CALN1: variants seen among roughly 807,000 people sequenced by gnomAD.
CALN1 encodes the protein calneuron 1, also known as calcium-binding protein 8.
Under a neutral mutation model 30.6 loss-of-function variants are expected in CALN1, and 17 were observed. That is an observed-to-expected ratio of 0.56 (90% confidence interval 0.38 to 0.83). The LOEUF is 0.83. Among genes scored for constraint, CALN1 ranks in the 40% least tolerant of loss-of-function variants. The pLI, the probability that CALN1 is intolerant of heterozygous loss-of-function variation, is 0.00. For missense variants in CALN1, 291 were observed against 354.9 expected, an observed-to-expected ratio of 0.82 and a Z score of 1.45; for synonymous variants, 156 against 131.4, an observed-to-expected ratio of 1.19 and a Z score of -1.28.
At chr7:71,868,325 C>T (rs1451271226) in intron 5 of CALN1, among the ~76,000 whole-genome samples, 1 of 151,270 alleles carries the variant, frequency 6.6e-6, no homozygotes, top group Non-Finnish European at 1.5e-5. Context: ...GCAAGCGAGA[C>T]GTCTCACATG....
intron 4 of CALN1, among the ~76,000 whole-genome samples, chr7:72,025,792 A>G (rs1801016789): frequency 6.6e-6 from 1 of 152,312 alleles, no homozygotes; most frequent in South Asian, 2.1e-4. Context: ...ATGCCCTCTC[A>G]GAGTGCATTC....
intron 5 of CALN1, 37 bp from the exon 6 acceptor site, chr7:71,810,529 T>C (rs370213968): frequency 4.4e-6 from 7 of 1,597,546 alleles, no homozygotes; most frequent in Non-Finnish European, 5.1e-6. Flanking sequence ...GTCAGAAGCA[T>C]GTGGAGATGG....
chr7:72,249,959 A>AAAG (rs1554337554), intron 3 of CALN1, among the ~76,000 whole-genome samples: 115 of 147,708 alleles, frequency 7.8e-4, no homozygotes, highest in African/African-American at 2.4e-3. Flanking sequence ...AAAAAAAAAA[A>AAAG]AGAGAGAGAG....
chr7:72,155,491 CAAAAA>C (rs796507891), intron 3 of CALN1, among the ~76,000 whole-genome samples: 1 of 104,014 alleles, frequency 9.6e-6, no homozygotes, highest in African/African-American at 3.3e-5. Flanking sequence ...GACTCTGTCT[CAAAAA>C]AAAAAAAAAG....
At chr7:72,329,138 T>C (rs1801486931) in intron 2 of CALN1, among the ~76,000 whole-genome samples, 1 of 152,400 alleles carries the variant, frequency 6.6e-6, no homozygotes, top group East Asian at 1.9e-4. Flanking sequence ...TGTTCTTCTG[T>C]ACCACGTTTT....
rs758703348 is a variant in CALN1 at position 72,023,735 on chromosome 7, G to A, written c.423C>T (p.Thr141=). ...DGQVDFDEFM[T]ILGPKLVSSE... ...AAGACACCAGTTTGGGGCCAAGAAT[G>A]GTCATGAATTCATCAAAATCCACCT... The change falls in exon 5 of 7, where the codon ACC becomes ACT. Residue 141 remains threonine (T), a synonymous_variant. Transcript: ENST00000395275. 2 of 1,613,788 alleles carry A rather than the reference G, an allele frequency of 1.2e-6. No homozygotes were observed. Among genetic ancestry groups the A allele is most frequent in the African/African-American group, 1.3e-5 (1 of 74,888 alleles).
At chr7:72,437,504 G>T (rs1438335189) in intron 1 of CALN1, among the ~76,000 whole-genome samples, 1 of 147,690 alleles carries the variant, frequency 6.8e-6, no homozygotes, top group African/African-American at 2.5e-5. Context: ...GTTAAAGAAG[G>T]TGAGAAACCC....
intron 5 of CALN1, among the ~76,000 whole-genome samples, chr7:72,013,888 G>A (rs768819920): frequency 1.3e-5 from 2 of 151,926 alleles, no homozygotes; most frequent in Non-Finnish European, 2.9e-5. Flanking sequence ...TTATATGGTA[G>A]ATTACTAAAT....
rs575299020 is a variant in CALN1 at position 72,036,671 on chromosome 7, T to C, written c.389-12902A>G. ...TTTTGGCTTTAGAATTTCTCTTATG[T>C]TTCATTTTAGGTTTTCTATCTCTTT... On this transcript the variant is annotated intron_variant, in intron 4 of 6. Transcript: ENST00000395275. Among the ~76,000 whole-genome samples the C allele has an allele frequency of 2.6e-5, 4 of 152,330 alleles. No individual in the cohort carries two copies. The East Asian group carries it at 7.7e-4, about 29-fold the overall frequency.
intron 3 of CALN1, among the ~76,000 whole-genome samples, chr7:72,211,963 C>T (rs371843099): frequency 1.4e-4 from 21 of 152,212 alleles, no homozygotes; most frequent in African/African-American, 4.1e-4. Context: ...GACTTAAGAC[C>T]CGACTCGTAA....
rs891952721 is a variant in CALN1, at chr7:72,390,217, T to TCA, written c.119+13032_119+13033dup. ...AGGCCGAGGCGGGTGAATCATGAGG[T>TCA]CAGGAGTCCCAGACCAGCCTGGCCA... On this transcript the variant is annotated intron_variant, in intron 2 of 6. Transcript: ENST00000395275. 9.2e-5 allele frequency among the ~76,000 whole-genome samples: 14 copies of TCA among 151,718 alleles called. 1 individual carries two copies. The highest frequency in any genetic ancestry group is 3.4e-4 in the African/African-American group (14 of 41,214).
chr7:71,958,073 A>G (rs1468187369), intron 5 of CALN1, among the ~76,000 whole-genome samples: 2 of 151,194 alleles, frequency 1.3e-5, no homozygotes, highest in Admixed American at 6.6e-5. Context: ...CTCAAAAAAA[A>G]AAAAAAAAAA....
chr7:72,504,005 G>T, the CALN1 span, among the ~76,000 whole-genome samples: 1 of 152,136 alleles, frequency 6.6e-6, no homozygotes, highest in Non-Finnish European at 1.5e-5. Flanking sequence ...GAGTGTGGGT[G>T]GGAGGAAGGG....
At chr7:72,381,049 A>T (rs777492770) in intron 2 of CALN1, among the ~76,000 whole-genome samples, 1 of 152,216 alleles carries the variant, frequency 6.6e-6, no homozygotes, top group Non-Finnish European at 1.5e-5. Flanking sequence ...GGCAATAAAG[A>T]CTAGATGTTT....
chr7:72,290,225 G>A (rs1417544892), intron 2 of CALN1, among the ~76,000 whole-genome samples: 1 of 151,166 alleles, frequency 6.6e-6, no homozygotes, highest in East Asian at 1.9e-4. Context: ...CATGTCACTG[G>A]CTGTTTCCTT....
chr7:72,365,351 T>C (rs1803818096), intron 2 of CALN1, among the ~76,000 whole-genome samples: 1 of 152,046 alleles, frequency 6.6e-6, no homozygotes, highest in South Asian at 2.1e-4. Context: ...AAAAAAATAA[T>C]AATTATATCT....
chr7:72,116,214 C>T (rs1348775181), intron 3 of CALN1, among the ~76,000 whole-genome samples: 1 of 152,170 alleles, frequency 6.6e-6, no homozygotes, highest in Non-Finnish European at 1.5e-5. Context: ...ATGGCAGAGG[C>T]ACGCCTGAGC....
chr7:72,473,791 A>G, the CALN1 span, among the ~76,000 whole-genome samples: 3 of 152,008 alleles, frequency 2.0e-5, no homozygotes, highest in African/African-American at 7.2e-5. Context: ...AAAATTAGCC[A>G]GGCATGGTGG....
intron 3 of CALN1, among the ~76,000 whole-genome samples, chr7:72,219,163 T>C (rs1267393526): frequency 1.3e-5 from 2 of 152,162 alleles, no homozygotes; most frequent in East Asian, 1.9e-4. Flanking sequence ...ACCACGGGCA[T>C]AGAAGAGGAA....
Sources: allele counts gnomAD v4.1 joint callset (sites outside exome capture counted in the v4.1 genomes callset), GRCh38; gene constraint gnomAD v4.1.1; transcripts MANE v1.5; gene names NCBI Gene and HGNC (gene_info 2026-07-23, HGNC 2026-07-21).